CADM2: variants seen among roughly 807,000 people sequenced by gnomAD.
CADM2 encodes the protein cell adhesion molecule 2.
CADM2 carries 12 observed loss-of-function variants against 49.8 expected under a neutral mutation model. That is an observed-to-expected ratio of 0.24 (90% confidence interval 0.15 to 0.39). The LOEUF (loss-of-function observed/expected upper bound fraction) is 0.39, where lower values mean the gene tolerates loss of function less well. Ranked by LOEUF, CADM2 falls within the 10% of genes least tolerant of loss-of-function variation. The pLI, the probability that CADM2 is intolerant of heterozygous loss-of-function variation, is 1.00. For missense variants in CADM2, 378 were observed against 492.3 expected (o/e 0.77, Z 2.20); for synonymous variants, 214 against 175.4 (o/e 1.22, Z -1.74).
intron 1 of CADM2, among the ~76,000 whole-genome samples, chr3:85,543,399 C>T (rs2326318): frequency 6.7e-6 from 1 of 149,618 alleles, no homozygotes; most frequent in Non-Finnish European, 1.5e-5. Flanking sequence ...GGATTACAGG[C>T]ACCGCCACCA....
intron 1 of CADM2, among the ~76,000 whole-genome samples, chr3:85,466,678 G>A (rs748636128): frequency 2.0e-5 from 3 of 151,848 alleles, no homozygotes; most frequent in Non-Finnish European, 4.4e-5. Flanking sequence ...GCAAAGATAC[G>A]TTTAGGAGAT....
chr3:84,966,430 C>T (rs759763344), intron 1 of CADM2, among the ~76,000 whole-genome samples: 5 of 151,760 alleles, frequency 3.3e-5, no homozygotes, highest in Non-Finnish European at 5.9e-5. Flanking sequence ...TTTGTTTTTA[C>T]TCATTGTGTT....
intron 1 of CADM2, among the ~76,000 whole-genome samples, chr3:85,408,288 G>T (rs2035494509): frequency 6.6e-6 from 1 of 152,102 alleles, no homozygotes; most frequent in African/African-American, 2.4e-5. Flanking sequence ...CATGTACATA[G>T]AAGAAAAGAC....
At chr3:85,289,599 T>A (rs1269205401) in intron 1 of CADM2, among the ~76,000 whole-genome samples, 2 of 152,164 alleles carry the variant, frequency 1.3e-5, no homozygotes. Flanking sequence ...ATTGCTGACT[T>A]TTCCTTCAGT....
intron 1 of CADM2, among the ~76,000 whole-genome samples, chr3:85,515,115 C>G (rs1187141596): frequency 6.6e-6 from 1 of 152,056 alleles, no homozygotes; most frequent in Non-Finnish European, 1.5e-5. Context: ...CTTGTTAACT[C>G]AATCCTTTTG....
chr3:85,501,395 TTTG>T (rs1221813996), intron 1 of CADM2, among the ~76,000 whole-genome samples: 2 of 152,190 alleles, frequency 1.3e-5, no homozygotes, highest in Admixed American at 1.3e-4. Flanking sequence ...GCTTCCATCC[TTTG>T]TTAAGTTAGG....
intron 1 of CADM2, among the ~76,000 whole-genome samples, chr3:85,204,875 T>C (rs2041594438): frequency 6.6e-6 from 1 of 151,910 alleles, no homozygotes; most frequent in Admixed American, 6.6e-5. Context: ...ATAGAACAAG[T>C]TTAAAGCTAA....
At chr3:85,667,766 G>T (rs1414272535) in intron 1 of CADM2, among the ~76,000 whole-genome samples, 1 of 151,960 alleles carries the variant, frequency 6.6e-6, no homozygotes, top group South Asian at 2.1e-4. Flanking sequence ...AAAGAAATTT[G>T]TCACGTCAGA....
chr3:85,924,077 A>T (rs1300616453), intron 6 of CADM2, among the ~76,000 whole-genome samples: 1 of 152,192 alleles, frequency 6.6e-6, no homozygotes, highest in African/African-American at 2.4e-5. Flanking sequence ...TGTCACCAAA[A>T]TTTCATAATG....
intron 8 of CADM2, among the ~76,000 whole-genome samples, chr3:85,998,095 T>C (rs1032527431): frequency 1.3e-5 from 2 of 152,110 alleles, no homozygotes; most frequent in African/African-American, 4.8e-5. Context: ...GGATTTTTAA[T>C]AGAGTAATCC....
At chr3:85,367,047 CTG>C (rs1252971278) in intron 1 of CADM2, among the ~76,000 whole-genome samples, 1 of 151,854 alleles carries the variant, frequency 6.6e-6, no homozygotes, top group African/African-American at 2.4e-5. Flanking sequence ...TCAAATATTT[CTG>C]TGTCAAAGAA....
At chr3:85,229,666 C>G (rs2042241086) in intron 1 of CADM2, among the ~76,000 whole-genome samples, 1 of 152,106 alleles carries the variant, frequency 6.6e-6, no homozygotes, top group African/African-American at 2.4e-5. Flanking sequence ...TTGTCTTTGG[C>G]TACAAAGATT....
At chr3:86,062,506 A>G (rs1365092413) in intron 8 of CADM2, among the ~76,000 whole-genome samples, 1 of 151,972 alleles carries the variant, frequency 6.6e-6, no homozygotes, top group African/African-American at 2.4e-5. Flanking sequence ...GGCTGGGTGC[A>G]GTGGCTCACA....
At chr3:85,292,829 A>G (rs1282126479) in intron 1 of CADM2, among the ~76,000 whole-genome samples, 1 of 152,316 alleles carries the variant, frequency 6.6e-6, no homozygotes, top group Middle Eastern at 3.4e-3. Flanking sequence ...TGCCCACAAG[A>G]GAAAGCAGGA....
chr3:85,695,555 CAT>C (rs57737276), intron 1 of CADM2, among the ~76,000 whole-genome samples: 1 of 150,868 alleles, frequency 6.6e-6, no homozygotes, highest in Non-Finnish European at 1.5e-5. Flanking sequence ...AAGTAATATT[CAT>C]ATATATATAT....
intron 1 of CADM2, among the ~76,000 whole-genome samples, chr3:85,444,668 T>C (rs905962378): frequency 2.6e-5 from 4 of 152,200 alleles, no homozygotes; most frequent in Non-Finnish European, 2.9e-5. Context: ...ATTTTTATTA[T>C]AGTGTCTGTC....
At chr3:85,661,451 G>T (rs1415114024) in intron 1 of CADM2, among the ~76,000 whole-genome samples, 2 of 151,990 alleles carry the variant, frequency 1.3e-5, no homozygotes, top group African/African-American at 4.8e-5. Flanking sequence ...ATGCTAGTTG[G>T]GCCAGATTCT....
intron 1 of CADM2, among the ~76,000 whole-genome samples, chr3:84,990,756 C>T (rs2032839124): frequency 6.6e-6 from 1 of 151,948 alleles, no homozygotes; most frequent in Admixed American, 6.6e-5. Context: ...AGTTTCCAAC[C>T]AGTATCACTG....
In CADM2 at chr3:85,300,987, T is replaced by A. The variant is rs186076057; in HGVS notation, c.61+341319T>A. ...GAAATCAGAAGCAAGCAAACCAAGT[T>A]CCTACTGGAAAGAAATGAATACCAC... is the stretch of plus-strand genomic sequence containing the variant. On this transcript the variant is annotated intron_variant, in intron 1 of 9. Coordinates refer to ENST00000383699, the MANE Select transcript of CADM2 (RefSeq NM_001167675.2). Among the ~76,000 whole-genome samples the A allele has an allele frequency of 2.8e-4, 42 of 152,164 alleles. 3 individuals carry two copies. In the East Asian group the frequency reaches 7.4e-3, roughly 27 times the overall value.
Sources: gnomAD v4.1 joint callset for allele counts (sites outside exome capture counted in the v4.1 genomes callset) on GRCh38, gnomAD v4.1.1 for gene constraint, MANE v1.5 for transcripts, NCBI Gene and HGNC (gene_info 2026-07-23, HGNC 2026-07-21) for gene names.